DNAH8: variants seen among roughly 807,000 people sequenced by gnomAD.
DNAH8 encodes the protein dynein axonemal heavy chain 8, also known as axonemal beta dynein heavy chain 8.
Under a neutral mutation model 562.1 loss-of-function variants are expected in DNAH8, and 382 were observed. The observed-to-expected ratio is 0.68, with a 90% confidence interval of 0.63 to 0.74. The LOEUF (loss-of-function observed/expected upper bound fraction) is 0.74. DNAH8 is among the 30% of genes least tolerant of loss of function. DNAH8 has a pLI of 0.00. For synonymous variants in DNAH8, 1,881 were observed against 1,919.4 expected (o/e 0.98, Z 0.52); for missense variants, 5,203 against 5,620.4 (o/e 0.93, Z 2.37).
At chr6:38,853,726 T>G (rs1458325617) in intron 41 of DNAH8, among the ~76,000 whole-genome samples, 1 of 152,156 alleles carries the variant, frequency 6.6e-6, no homozygotes, top group Non-Finnish European at 1.5e-5. Context: ...CAAAAATGCA[T>G]TTAATGCATC....
At chr6:38,762,999 G>A (rs1766669166) in intron 11 of DNAH8, 1 of 396,856 alleles carries the variant, frequency 2.5e-6, no homozygotes, top group South Asian at 2.1e-5. Context: ...CTTGGACTTA[G>A]CCATGTAAGA....
At chr6:38,939,614 A>G (rs1187284345) in intron 79 of DNAH8, among the ~76,000 whole-genome samples, 1 of 152,246 alleles carries the variant, frequency 6.6e-6, no homozygotes, top group Admixed American at 6.5e-5. Context: ...CCTAAGTGCT[A>G]TAAGAGAGCT....
chr6:38,991,951 C>A (rs559898116), intron 88 of DNAH8, among the ~76,000 whole-genome samples: 27 of 151,368 alleles, frequency 1.8e-4, no homozygotes, highest in African/African-American at 6.5e-4. Flanking sequence ...GTTTGTATCA[C>A]CCACTGACAT....
intron 26 of DNAH8, 132 bp downstream of exon 26, chr6:38,815,789 G>A (rs901450115): frequency 7.0e-6 from 6 of 858,876 alleles, no homozygotes; most frequent in African/African-American, 6.8e-5. Context: ...TAAACATAAC[G>A]TGCAGGCATT....
At chr6:38,738,662 G>C (rs1764295557) in intron 7 of DNAH8, among the ~76,000 whole-genome samples, 6 of 152,132 alleles carry the variant, frequency 3.9e-5, no homozygotes, top group Non-Finnish European at 5.9e-5. Context: ...GGATCAAGGG[G>C]AAAAAATCTT....
intron 88 of DNAH8, among the ~76,000 whole-genome samples, 196 bp from the exon 89 acceptor site, chr6:39,008,618 T>C (rs533863673): frequency 8.6e-5 from 12 of 138,948 alleles, no homozygotes; most frequent in African/African-American, 2.7e-4. Context: ...ATGTTCTTGA[T>C]GTCCTATTAG....
intron 21 of DNAH8, among the ~76,000 whole-genome samples, chr6:38,795,123 A>G (rs1036866733): frequency 2.0e-5 from 3 of 152,202 alleles, no homozygotes; most frequent in Admixed American, 6.5e-5. Context: ...CTAACATAGC[A>G]TTTACCATTT....
intron 79 of DNAH8, among the ~76,000 whole-genome samples, chr6:38,943,600 G>A (rs1451409187): frequency 2.0e-5 from 3 of 152,110 alleles, no homozygotes; most frequent in African/African-American, 4.8e-5. Flanking sequence ...GATACCAGGC[G>A]CAATCCTGCA....
chr6:38,960,188 T>C (rs1361698091), intron 82 of DNAH8, among the ~76,000 whole-genome samples: 1 of 151,990 alleles, frequency 6.6e-6, no homozygotes, highest in Non-Finnish European at 1.5e-5. Context: ...AAGGAAATGC[T>C]CCAGAACATT....
At chr6:38,957,293 T>G (rs1435334452) in intron 82 of DNAH8, among the ~76,000 whole-genome samples, 1 of 148,728 alleles carries the variant, frequency 6.7e-6, no homozygotes, top group Non-Finnish European at 1.5e-5. Flanking sequence ...TAAAAATTAA[T>G]ATATATATTA....
chr6:38,797,338 T>C (rs1770363110), intron 21 of DNAH8, among the ~76,000 whole-genome samples: 1 of 152,194 alleles, frequency 6.6e-6, no homozygotes, highest in Non-Finnish European at 1.5e-5. Context: ...CAGAAAGCTG[T>C]GAAACTCACT....
chr6:38,850,117 T>G, intron 37 of DNAH8, 134 bp from the exon 38 acceptor site: 1 of 685,182 alleles, frequency 1.5e-6, no homozygotes, highest in African/African-American at 1.9e-5. Context: ...TGAAAAAAAA[T>G]TGTCTGTTTA....
intron 91 of DNAH8, among the ~76,000 whole-genome samples, chr6:39,017,663 A>G (rs921130916): frequency 6.6e-6 from 1 of 152,118 alleles, no homozygotes; most frequent in Non-Finnish European, 1.5e-5. Flanking sequence ...CAGTGTCTTG[A>G]CAAGCCATGC....
chr6:38,921,391 G>A lies in DNAH8; in HGVS notation c.10547G>A (p.Gly3516Asp), dbSNP rs751256547. ...PLKANLAKQE[G>D]RLAVANAELG... ...CAGGCCAACCTGGCCAAGCAGGAAG[G>A]CCGGTTAGCAGTTGCTAATGCTGAG... is the stretch of plus-strand genomic sequence containing the variant. The change falls in exon 71 of 93, where the codon GGC becomes GAC. Residue 3516 changes from glycine (G) to aspartate (D), a missense_variant. Physicochemically the swap from Gly to Asp is moderately conservative, Grantham distance 94 (BLOSUM62 -1). This residue lies in a region of DNAH8 where 1,399 missense variants were observed against 1,518.4 expected (regional missense o/e 0.92). Transcript: ENST00000327475. 1 of 1,613,638 alleles carries A rather than the reference G, an allele frequency of 6.2e-7. No homozygotes were observed. Among genetic ancestry groups the A allele is most frequent in the Non-Finnish European group, 8.5e-7 (1 of 1,179,816 alleles).
At chr6:38,986,040 C>G (rs1276989879) in intron 87 of DNAH8, among the ~76,000 whole-genome samples, 2 of 152,070 alleles carry the variant, frequency 1.3e-5, no homozygotes, top group African/African-American at 2.4e-5. Context: ...TATTGCTCAC[C>G]CTTGTGGGGT....
chr6:38,977,211 C>T (rs572439014), intron 85 of DNAH8, among the ~76,000 whole-genome samples: 3 of 152,278 alleles, frequency 2.0e-5, no homozygotes, highest in East Asian at 1.9e-4. Flanking sequence ...AGCAGGCTTT[C>T]CCAGGAGGAG....
chr6:39,001,545 C>T (rs946882159), intron 88 of DNAH8, among the ~76,000 whole-genome samples: 1 of 151,936 alleles, frequency 6.6e-6, no homozygotes, highest in Non-Finnish European at 1.5e-5. Flanking sequence ...GTGGAGGTAA[C>T]TTGGGAACAG....
At position 38,866,654 on chromosome 6, in the gene DNAH8, G is replaced by C. The variant is rs373602975; in HGVS notation, c.6562G>C (p.Ala2188Pro). The C allele has an allele frequency of 2.5e-6, 4 of 1,612,944 alleles. No homozygotes were observed. The highest frequency in any genetic ancestry group is 3.4e-6 in the Non-Finnish European group (4 of 1,179,622). Residue 2188 changes from alanine (A) to proline (P), a missense_variant, in exon 46 of 93, where the codon GCT (alanine) becomes CCT (proline). Around this residue, in one of 6 missense-constraint regions of DNAH8, gnomAD observed 2,176 missense variants for 2,365.1 expected, o/e 0.92. Coordinates refer to ENST00000327475, the MANE Select transcript of DNAH8 (RefSeq NM_001206927.2). Reference protein sequence around the residue: ...ENLKIQFRTVAMMVPDRQIIM... With the variant: ...ENLKIQFRTVPMMVPDRQIIM... ...CCTAAAAATCCAGTTTAGAACTGTT[G>C]CTATGATGGTTCCTGATAGACAGGT... is the stretch of plus-strand genomic sequence containing the variant.
Position 38,883,971 on chromosome 6 carries a change from G to C in DNAH8, c.8232G>C (p.Met2744Ile). The change falls in exon 56 of 93, where the codon ATG (methionine) becomes ATC (isoleucine). Residue 2744 changes from methionine (M) to isoleucine (I), a missense_variant. Coordinates refer to ENST00000327475, the MANE Select transcript of DNAH8 (RefSeq NM_001206927.2). Reference sequence around the variant, plus strand: ...CTGTATTTATTGATGATATTAATATGCCTGTGATTAATGAGTGGGGAGATC... The same window carrying C: ...CTGTATTTATTGATGATATTAATATCCCTGTGATTAATGAGTGGGGAGATC... Reference protein sequence around the residue: ...KMTVFIDDINMPVINEWGDQI... With the variant: ...KMTVFIDDINIPVINEWGDQI... 1 of 1,576,432 alleles carries C rather than the reference G, an allele frequency of 6.3e-7. No homozygotes were observed. The highest frequency in any genetic ancestry group is 8.6e-7 in the Non-Finnish European group (1 of 1,159,364).
Sources: gnomAD v4.1 joint callset for allele counts (sites outside exome capture counted in the v4.1 genomes callset) on GRCh38, gnomAD v4.1.1 for gene constraint, gnomAD v4.1.1 regional missense constraint, MANE v1.5 for transcripts, NCBI Gene and HGNC (gene_info 2026-07-23, HGNC 2026-07-21) for gene names.